Variants in IQCM observed in about 807,000 individuals in gnomAD.
IQCM encodes the protein IQ motif containing M.
A neutral mutation model predicts 57.6 loss-of-function variants in IQCM; 45 were observed. That is an observed-to-expected ratio of 0.78 (90% CI 0.62 to 1.00). IQCM has a LOEUF of 1.00. IQCM is among the 50% of genes least tolerant of loss of function. IQCM has a pLI of 0.00. For missense variants in IQCM, 468 were observed against 511.6 expected (o/e 0.91, Z 0.82); for synonymous variants, 148 against 158.9 (o/e 0.93, Z 0.51).
At chr4:149,468,349 G>GT (rs1166018943) in intron 12 of IQCM, among the ~76,000 whole-genome samples, 1 of 152,212 alleles carries the variant, frequency 6.6e-6, no homozygotes, top group African/African-American at 2.4e-5. Flanking sequence ...AGCTCAGAGG[G>GT]TCCCACACCC....
chr4:149,445,545 C>T (rs1269964361), intron 12 of IQCM, among the ~76,000 whole-genome samples: 1 of 151,768 alleles, frequency 6.6e-6, no homozygotes, highest in Non-Finnish European at 1.5e-5. Flanking sequence ...TACAGCCTCA[C>T]TTTCTGGTCA....
At chr4:149,660,804 G>A (rs1760123807) in intron 7 of IQCM, among the ~76,000 whole-genome samples, 1 of 151,940 alleles carries the variant, frequency 6.6e-6, no homozygotes, top group African/African-American at 2.4e-5. Context: ...GACACAGGAA[G>A]GGGAACATCA....
intron 7 of IQCM, among the ~76,000 whole-genome samples, chr4:149,634,376 C>T (rs1579787864): frequency 6.6e-6 from 1 of 152,174 alleles, no homozygotes; most frequent in Admixed American, 6.5e-5. Flanking sequence ...TGCTAATCTC[C>T]ACCACTGGAA....
intron 5 of IQCM, among the ~76,000 whole-genome samples, chr4:149,725,372 A>G (rs1168761204): frequency 6.6e-6 from 1 of 152,220 alleles, no homozygotes; most frequent in African/African-American, 2.4e-5. Flanking sequence ...CCTGAAGTGA[A>G]TATTGGGAAT....
intron 13 of IQCM, among the ~76,000 whole-genome samples, chr4:149,388,488 A>G (rs1016274283): frequency 6.9e-6 from 1 of 144,822 alleles, no homozygotes; most frequent in African/African-American, 2.5e-5. Context: ...ACACATACAT[A>G]TATGTCCAAA....
At chr4:149,764,790 C>T (rs1769883106) in intron 2 of IQCM, among the ~76,000 whole-genome samples, 1 of 151,994 alleles carries the variant, frequency 6.6e-6, no homozygotes, top group South Asian at 2.1e-4. Context: ...ATTTCCCTAA[C>T]AAAAATGACA....
At chr4:149,584,427 A>G (rs1752478223) in intron 9 of IQCM, among the ~76,000 whole-genome samples, 2 of 151,700 alleles carry the variant, frequency 1.3e-5, no homozygotes, top group Non-Finnish European at 3.0e-5. Flanking sequence ...ATAGGTGTAT[A>G]TGAAATGAAT....
At chr4:149,403,723 G>GC (rs1732783065) in intron 13 of IQCM, among the ~76,000 whole-genome samples, 1 of 151,978 alleles carries the variant, frequency 6.6e-6, no homozygotes, top group Non-Finnish European at 1.5e-5. Context: ...AAAAGGAACA[G>GC]CTTCGAGGAT....
intron 7 of IQCM, among the ~76,000 whole-genome samples, chr4:149,633,896 A>G (rs1235772526): frequency 2.0e-5 from 3 of 152,170 alleles, no homozygotes; most frequent in Non-Finnish European, 2.9e-5. Context: ...ATGATGGTAC[A>G]TTTGAATTCA....
intron 12 of IQCM, among the ~76,000 whole-genome samples, chr4:149,450,370 A>T (rs1479264195): frequency 1.3e-5 from 2 of 151,878 alleles, no homozygotes; most frequent in Non-Finnish European, 1.5e-5. Flanking sequence ...ATGGAATCAG[A>T]TCAAGTTAAA....
intron 12 of IQCM, among the ~76,000 whole-genome samples, chr4:149,474,591 C>T (rs141493644): frequency 0.028 from 4,265 of 151,138 alleles, 172 homozygotes; most frequent in African/African-American, 0.096. Flanking sequence ...GTAGCATGTG[C>T]CTGTAATCCC....
intron 12 of IQCM, among the ~76,000 whole-genome samples, chr4:149,509,035 A>G (rs1744130845): frequency 6.6e-6 from 1 of 152,204 alleles, no homozygotes. Context: ...CCATGATTGT[A>G]AGACCTTACC....
intron 12 of IQCM, among the ~76,000 whole-genome samples, chr4:149,524,084 T>C (rs1745925842): frequency 1.3e-5 from 2 of 152,240 alleles, no homozygotes; most frequent in Middle Eastern, 3.4e-3. Flanking sequence ...CAAATAACAA[T>C]TTTTAAAATG....
intron 9 of IQCM, among the ~76,000 whole-genome samples, chr4:149,565,188 A>G (rs1377038811): frequency 6.6e-6 from 1 of 152,084 alleles, no homozygotes; most frequent in Non-Finnish European, 1.5e-5. Flanking sequence ...CTGTACCTAC[A>G]CCTCTGAATC....
At chr4:149,364,388 C>T (rs1302659385) in intron 13 of IQCM, among the ~76,000 whole-genome samples, 2 of 152,036 alleles carry the variant, frequency 1.3e-5, no homozygotes, top group African/African-American at 4.8e-5. Context: ...TGCTGAGTTT[C>T]CCAAGGGGTA....
intron 13 of IQCM, among the ~76,000 whole-genome samples, chr4:149,378,902 G>A (rs1054382489): frequency 6.6e-6 from 1 of 152,144 alleles, no homozygotes; most frequent in African/African-American, 2.4e-5. Context: ...GGCAAAAATG[G>A]TTTCATGGGC....
At chr4:149,508,847 C>A (rs1744104385) in intron 12 of IQCM, among the ~76,000 whole-genome samples, 1 of 152,098 alleles carries the variant, frequency 6.6e-6, no homozygotes, top group Non-Finnish European at 1.5e-5. Context: ...CTTGAATACC[C>A]ACATTGTGGG....
chr4:149,474,046 G>A (rs1739898288), intron 12 of IQCM, among the ~76,000 whole-genome samples: 1 of 151,824 alleles, frequency 6.6e-6, no homozygotes, highest in South Asian at 2.1e-4. Context: ...AACGGGTGCA[G>A]CACACCAACA....
chr4:149,675,095 G>A (rs555088558), intron 7 of IQCM, among the ~76,000 whole-genome samples: 2 of 152,110 alleles, frequency 1.3e-5, no homozygotes, highest in African/African-American at 4.8e-5. Flanking sequence ...ATCATGGGAG[G>A]AAAAGAGCTC....
Sources: allele counts gnomAD v4.1 joint callset (sites outside exome capture counted in the v4.1 genomes callset), GRCh38; gene constraint gnomAD v4.1.1; transcripts MANE v1.5; gene names NCBI Gene and HGNC (gene_info 2026-07-23, HGNC 2026-07-21).